The following CYP39A1 variants were observed in gnomAD, a reference collection of about 807,000 sequenced individuals.
CYP39A1 encodes the protein cytochrome P450 family 39 subfamily A member 1, also known as 24-hydroxycholesterol 7-alpha-hydroxylase.
A neutral mutation model predicts 58.1 loss-of-function variants in CYP39A1; 49 were observed. The observed-to-expected ratio is 0.84, with a 90% CI of 0.67 to 1.07. The LOEUF (loss-of-function observed/expected upper bound fraction) is 1.07, where lower values mean the gene tolerates loss of function less well. Ranked by LOEUF, CYP39A1 falls within the 50% of genes least tolerant of loss-of-function variation. CYP39A1 has a pLI of 0.00. For synonymous variants in CYP39A1, 209 were observed against 187.6 expected (o/e 1.11, Z -0.93); for missense variants, 531 against 539.4 (o/e 0.98, Z 0.16).
At chr6:46,634,738 T>A (rs1180049174) in intron 5 of CYP39A1, among the ~76,000 whole-genome samples, 2 of 152,138 alleles carry the variant, frequency 1.3e-5, no homozygotes, top group African/African-American at 2.4e-5. Flanking sequence ...GCCAGGCTGA[T>A]CTCGAACTTC....
chr6:46,553,690 T>C, intron 11 of CYP39A1, 77 bp downstream of exon 11: 1 of 949,696 alleles, frequency 1.1e-6, no homozygotes, highest in East Asian at 2.5e-5. Flanking sequence ...TCTCTAGTAA[T>C]CAAAATTGGG....
At chr6:46,626,768 T>C (rs559949053) in intron 6 of CYP39A1, among the ~76,000 whole-genome samples, 7 of 152,316 alleles carry the variant, frequency 4.6e-5, no homozygotes, top group African/African-American at 1.7e-4. Flanking sequence ...GTCCTGTCTC[T>C]ACTCAGGCCC....
At chr6:46,632,777 T>G (rs1775740613) in intron 5 of CYP39A1, among the ~76,000 whole-genome samples, 1 of 152,102 alleles carries the variant, frequency 6.6e-6, no homozygotes, top group Non-Finnish European at 1.5e-5. Context: ...CCTGTGAGTC[T>G]AGCCCTGACT....
At chr6:46,592,221 C>T (rs1265468911) in intron 8 of CYP39A1, among the ~76,000 whole-genome samples, 2 of 151,988 alleles carry the variant, frequency 1.3e-5, no homozygotes, top group East Asian at 1.9e-4. Flanking sequence ...AGAGCCTGTT[C>T]GAACTACCTT....
At chr6:46,556,659 G>A (rs184169992) in intron 10 of CYP39A1, among the ~76,000 whole-genome samples, 46 of 152,156 alleles carry the variant, frequency 3.0e-4, no homozygotes, top group Middle Eastern at 6.8e-3. Context: ...CTTAGTAGTG[G>A]GATTAGATTA....
intron 2 of CYP39A1, among the ~76,000 whole-genome samples, chr6:46,640,189 T>C: frequency 6.6e-6 from 1 of 152,248 alleles, no homozygotes; most frequent in South Asian, 2.1e-4. Context: ...AATCTATAAA[T>C]GGGTGATTAA....
intron 10 of CYP39A1, among the ~76,000 whole-genome samples, chr6:46,572,835 G>A (rs947848874): frequency 2.6e-5 from 4 of 151,884 alleles, no homozygotes; most frequent in Admixed American, 2.6e-4. Context: ...AGTCCCATAG[G>A]TTTACTTTAC....
chr6:46,637,857 C>T lies in CYP39A1; in HGVS notation c.610G>A (p.Gly204Arg), dbSNP rs1430320580. The change falls in exon 4 of 12, where the codon GGG becomes AGG. Residue 204 changes from glycine (G) to arginine (R), a missense_variant. Physicochemically the swap from Gly to Arg is moderately radical, Grantham distance 125. Coordinates refer to ENST00000275016, the MANE Select transcript of CYP39A1 (RefSeq NM_016593.5). Reference sequence around the variant, plus strand: ...AGAAGACACTCTGGCAACTGGGACCCATACTCAAAATCTTCATCATAAACT... The same window carrying T: ...AGAAGACACTCTGGCAACTGGGACCTATACTCAAAATCTTCATCATAAACT... The part of the protein sequence containing the change: ...FQVYDEDFEY[G>R]SQLPECLLRN... The T allele has an allele frequency of 2.1e-5, 34 of 1,612,288 alleles. No homozygotes were observed. The highest frequency in any genetic ancestry group is 2.7e-5 in the Non-Finnish European group (32 of 1,179,620).
intron 5 of CYP39A1, 80 bp downstream of exon 5, chr6:46,636,309 G>A: frequency 9.6e-7 from 1 of 1,043,412 alleles, no homozygotes; most frequent in Non-Finnish European, 1.4e-6. Context: ...TCAATCTCAT[G>A]TGTTTTAGCA....
intron 7 of CYP39A1, among the ~76,000 whole-genome samples, chr6:46,614,142 T>C (rs78645189): frequency 3.3e-5 from 5 of 152,274 alleles, no homozygotes; most frequent in East Asian, 3.9e-4. Flanking sequence ...TAGATAACTT[T>C]ATTCTTCAGC....
chr6:46,556,882 A>C, intron 10 of CYP39A1, among the ~76,000 whole-genome samples: 1 of 152,190 alleles, frequency 6.6e-6, no homozygotes, highest in East Asian at 1.9e-4. Context: ...AAATGACCTC[A>C]ATCCAAGAGA....
intron 8 of CYP39A1, among the ~76,000 whole-genome samples, chr6:46,589,048 C>T (rs542585609): frequency 3.3e-5 from 5 of 152,258 alleles, no homozygotes; most frequent in African/African-American, 1.2e-4. Flanking sequence ...CACTGCCCAT[C>T]ATCATAAGCC....
At chr6:46,575,767 C>G (rs1771814477) in intron 10 of CYP39A1, among the ~76,000 whole-genome samples, 1 of 152,132 alleles carries the variant, frequency 6.6e-6, no homozygotes, top group South Asian at 2.1e-4. Flanking sequence ...AGCTGTGGGC[C>G]TGCTCCCAGC....
At chr6:46,651,962 A>G (rs1329673405) in intron 1 of CYP39A1, among the ~76,000 whole-genome samples, 1 of 152,226 alleles carries the variant, frequency 6.6e-6, no homozygotes, top group Admixed American at 6.5e-5. Flanking sequence ...GTCAGCTAAA[A>G]ATACAGAGCC....
Position 46,642,377 on chromosome 6 carries a change from T to A in CYP39A1, c.178-79A>T. 14 of 1,387,318 alleles carry A rather than the reference T, an allele frequency of 1.0e-5. No homozygotes were observed. The South Asian group carries it at 1.9e-4, about 19-fold the overall frequency. 85.9% of individuals were successfully genotyped at this position (1,387,318 alleles called of 1,614,324 possible). ...AGACCATTCTCCTCAAGAATCCTAA[T>A]GCTGAAGTTATAGTCAAAAGAAAAA... On this transcript the variant is annotated intron_variant, in intron 1 of 11. Coordinates refer to ENST00000275016, the MANE Select transcript of CYP39A1 (RefSeq NM_016593.5).
intron 7 of CYP39A1, among the ~76,000 whole-genome samples, chr6:46,618,591 A>G (rs955674429): frequency 1.3e-5 from 2 of 152,108 alleles, no homozygotes; most frequent in African/African-American, 4.8e-5. Context: ...ACCTAGAGAA[A>G]AGTTAACATT....
At chr6:46,566,436 C>T (rs1385608628) in intron 10 of CYP39A1, among the ~76,000 whole-genome samples, 2 of 152,000 alleles carry the variant, frequency 1.3e-5, no homozygotes, top group African/African-American at 4.8e-5. Context: ...CTTCACAAGG[C>T]GGCAGGAAGG....
intron 1 of CYP39A1, 70 bp downstream of exon 1, chr6:46,652,336 G>C (rs1041900674): frequency 2.2e-5 from 32 of 1,451,126 alleles, no homozygotes; most frequent in Admixed American, 4.3e-5. Flanking sequence ...GCACTTAAGA[G>C]TCAATGAAAG....
chr6:46,623,058 A>G (rs550674685), intron 7 of CYP39A1, among the ~76,000 whole-genome samples: 34 of 152,320 alleles, frequency 2.2e-4, no homozygotes, highest in Non-Finnish European at 4.4e-4. Flanking sequence ...GAAATTCATA[A>G]AAGACTTTCC....
Sources: gnomAD v4.1 joint callset for allele counts (sites outside exome capture counted in the v4.1 genomes callset) on GRCh38, gnomAD v4.1.1 for gene constraint, MANE v1.5 for transcripts, NCBI Gene and HGNC (gene_info 2026-07-23, HGNC 2026-07-21) for gene names.